SULT4A1: variants seen among roughly 807,000 people sequenced by gnomAD.
SULT4A1 encodes sulfotransferase 4A1.
Under a neutral mutation model 35.2 loss-of-function variants are expected in SULT4A1, and 11 were observed. The ratio of observed to expected loss-of-function variants is 0.31; its 90% CI spans 0.20 to 0.52. The LOEUF (loss-of-function observed/expected upper bound fraction) is 0.52. Among genes scored for constraint, SULT4A1 ranks in the 20% least tolerant of loss-of-function variants. The pLI is 0.97. For missense variants in SULT4A1, 271 were observed against 383.7 expected, an observed-to-expected ratio of 0.71 and a Z score of 2.45; for synonymous variants, 152 against 151.8, an observed-to-expected ratio of 1.00 and a Z score of -0.01.
intron 4 of SULT4A1, among the ~76,000 whole-genome samples, chr22:43,834,137 A>G (rs2063346321): frequency 6.6e-6 from 1 of 152,176 alleles, no homozygotes; most frequent in African/African-American, 2.4e-5. Flanking sequence ...TGTAGGACAG[A>G]TCCAGAACAC....
intron 2 of SULT4A1, among the ~76,000 whole-genome samples, chr22:43,841,341 G>A (rs529895302): frequency 4.5e-4 from 68 of 152,176 alleles, no homozygotes; most frequent in Non-Finnish European, 8.8e-4. Flanking sequence ...CCATTCAGGT[G>A]TGAGGCTGGA....
At chr22:43,853,210 A>G (rs1207323148) in intron 1 of SULT4A1, among the ~76,000 whole-genome samples, 1 of 152,076 alleles carries the variant, frequency 6.6e-6, no homozygotes, top group Non-Finnish European at 1.5e-5. Context: ...CTACACACAC[A>G]CAGCACCAAG....
intron 5 of SULT4A1, among the ~76,000 whole-genome samples, chr22:43,832,476 C>T (rs1187385614): frequency 6.6e-6 from 1 of 152,146 alleles, no homozygotes; most frequent in Non-Finnish European, 1.5e-5. Context: ...CTGCGAAGGC[C>T]GACCTGGCCC....
chr22:43,848,297 A>G (rs1441403955), intron 1 of SULT4A1, among the ~76,000 whole-genome samples: 1 of 152,216 alleles, frequency 6.6e-6, no homozygotes, highest in African/African-American at 2.4e-5. Flanking sequence ...AAGAGAATCA[A>G]TATAAACAAA....
chr22:43,858,026 G>T (rs1472133808), intron 1 of SULT4A1, among the ~76,000 whole-genome samples: 3 of 135,688 alleles, frequency 2.2e-5, no homozygotes, highest in African/African-American at 8.7e-5. Context: ...CTCCAGCCTG[G>T]GCAATAGAGT....
At chr22:43,861,666 G>C (rs1336128249) in intron 1 of SULT4A1, among the ~76,000 whole-genome samples, 1 of 152,248 alleles carries the variant, frequency 6.6e-6, no homozygotes, top group East Asian at 1.9e-4. Flanking sequence ...CCTGAAACAA[G>C]AGAATGTACA....
intron 1 of SULT4A1, among the ~76,000 whole-genome samples, chr22:43,861,010 T>G (rs1469916487): frequency 6.6e-6 from 1 of 152,140 alleles, no homozygotes. Flanking sequence ...ATAGAGCACT[T>G]GGCCCGCAGG....
At chr22:43,843,197 T>C (rs2063447999) in intron 1 of SULT4A1, among the ~76,000 whole-genome samples, 2 of 152,270 alleles carry the variant, frequency 1.3e-5, no homozygotes, top group Admixed American at 1.3e-4. Flanking sequence ...GGAGGACTGC[T>C]TGAGGCCAGA....
intron 6 of SULT4A1, among the ~76,000 whole-genome samples, chr22:43,828,126 C>T (rs777368830): frequency 3.3e-5 from 5 of 152,254 alleles, no homozygotes; most frequent in African/African-American, 1.2e-4. Context: ...GTCTCTCATC[C>T]GCCCCAGGCA....
chr22:43,840,411 C>G (rs2063417194), intron 2 of SULT4A1, among the ~76,000 whole-genome samples: 1 of 152,088 alleles, frequency 6.6e-6, no homozygotes, highest in African/African-American at 2.4e-5. Flanking sequence ...GACAGCCTCC[C>G]TTGTCACCTG....
At chr22:43,840,808 G>A (rs971007591) in intron 2 of SULT4A1, among the ~76,000 whole-genome samples, 14 of 152,332 alleles carry the variant, frequency 9.2e-5, no homozygotes, top group South Asian at 2.1e-4. Context: ...CAAAGAGCCC[G>A]GAACCGTTGC....
At chr22:43,841,989 T>C in intron 1 of SULT4A1, 57 bp from the exon 2 acceptor site, 1 of 1,572,804 alleles carries the variant, frequency 6.4e-7, no homozygotes, top group South Asian at 1.1e-5. Context: ...CGCCCGGCCC[T>C]GTGCTCGGGT....
chr22:43,825,878 T>G lies in SULT4A1; in HGVS notation c.*123A>C. ...TCCCTCCGCTCACGCCGCTCTTCCC[T>G]TCCCCCGCTGTTTCACACGCTGCTT... On this transcript the variant is annotated 3_prime_UTR_variant, in exon 7 of 7. Coordinates refer to ENST00000330884, the MANE Select transcript of SULT4A1 (RefSeq NM_014351.4). The G allele has an allele frequency of 1.0e-6, 1 of 981,658 alleles. No homozygotes were observed. The highest frequency in any genetic ancestry group is 1.5e-6 in the Non-Finnish European group (1 of 652,672). The allele number at this position is 981,658 out of a possible 1,614,324, so 60.8% of individuals were successfully genotyped here.
At position 43,826,419 on chromosome 22, in the gene SULT4A1, C is replaced by T. The variant is rs1458369961; in HGVS notation, c.743-306G>A. 4.1e-6 allele frequency: 4 copies of T among 985,284 alleles called. No individual in the cohort carries two copies. The African/African-American group carries it at 7.0e-5, about 17-fold the overall frequency. 61.0% of individuals were successfully genotyped at this position (985,284 alleles called of 1,614,324 possible). On this transcript the variant is annotated intron_variant, in intron 6 of 6. Coordinates refer to ENST00000330884, the MANE Select transcript of SULT4A1 (RefSeq NM_014351.4). ...GCTGGGGCCCACCAGGGAGACTCTA[C>T]TCCTGTTCAGTGCTGGGTCCCCAGC...
intron 4 of SULT4A1, among the ~76,000 whole-genome samples, chr22:43,834,244 T>C (rs2063347296): frequency 6.6e-6 from 1 of 151,790 alleles, no homozygotes; most frequent in Admixed American, 6.6e-5. Flanking sequence ...GGGAGTCCTG[T>C]CCTGACCTCC....
chr22:43,841,794 C>T lies in SULT4A1; in HGVS notation c.300+8G>A, dbSNP rs2063431962. 4 of 1,611,470 alleles carry T rather than the reference C, an allele frequency of 2.5e-6. No individual in the cohort carries two copies. The highest frequency in any genetic ancestry group is 3.3e-5 in the Admixed American group (2 of 59,956). Reference sequence around the variant, plus strand: ...GGTGCTGGGACAGGTGCTGCTGGCCCTGGGTACCTTGATGATGTCCAGGCC... The same window carrying T: ...GGTGCTGGGACAGGTGCTGCTGGCCTTGGGTACCTTGATGATGTCCAGGCC... On this transcript the variant is annotated splice_region_variant and intron_variant, in intron 2 of 6. Coordinates refer to ENST00000330884, the MANE Select transcript of SULT4A1 (RefSeq NM_014351.4).
chr22:43,829,299 G>C (rs917788777), intron 5 of SULT4A1, 101 bp from the exon 6 acceptor site: 1 of 1,309,088 alleles, frequency 7.6e-7, no homozygotes, highest in Non-Finnish European at 1.0e-6. Flanking sequence ...TTTACACACG[G>C]CCTTCCTTAC....
intron 6 of SULT4A1, among the ~76,000 whole-genome samples, chr22:43,828,107 G>A (rs1009415939): frequency 6.6e-6 from 1 of 152,226 alleles, no homozygotes; most frequent in Non-Finnish European, 1.5e-5. Context: ...CTGAGCTGGA[G>A]CCCAGCGCGT....
intron 1 of SULT4A1, among the ~76,000 whole-genome samples, chr22:43,854,260 A>G (rs2148304710): frequency 6.6e-6 from 1 of 152,216 alleles, no homozygotes; most frequent in East Asian, 1.9e-4. Flanking sequence ...GCCAACAGAG[A>G]CCTTTGCATG....
Sources: gnomAD v4.1 joint callset for allele counts (sites outside exome capture counted in the v4.1 genomes callset) on GRCh38, gnomAD v4.1.1 for gene constraint, MANE v1.5 for transcripts, NCBI Gene and HGNC (gene_info 2026-07-23, HGNC 2026-07-21) for gene names.